Variants in LRP1B observed in about 807,000 individuals in gnomAD.
The protein encoded by LRP1B is low-density lipoprotein receptor-related protein 1B.
Under a neutral mutation model 556.6 loss-of-function variants are expected in LRP1B, and 217 were observed. That is an observed-to-expected ratio of 0.39 (90% CI 0.35 to 0.44). The LOEUF (loss-of-function observed/expected upper bound fraction) is 0.44, where lower values mean the gene tolerates loss of function less well. LRP1B is among the 20% of genes least tolerant of loss of function. LRP1B has a pLI of 1.00. For missense variants in LRP1B, 5,053 were observed against 5,620.8 expected (o/e 0.90, Z 3.23); for synonymous variants, 2,047 against 1,865.8 (o/e 1.10, Z -2.50).
At chr2:140,292,444 CTT>C (rs1683426069) in intron 84 of LRP1B, among the ~76,000 whole-genome samples, 1 of 152,082 alleles carries the variant, frequency 6.6e-6, no homozygotes, top group Non-Finnish European at 1.5e-5. Flanking sequence ...GCTGTTCCCT[CTT>C]TGCATATGCT....
intron 2 of LRP1B, among the ~76,000 whole-genome samples, chr2:141,596,910 A>C (rs1687544766): frequency 6.6e-6 from 1 of 152,042 alleles, no homozygotes; most frequent in Non-Finnish European, 1.5e-5. Flanking sequence ...TTTTATGATG[A>C]ATGGTTATTT....
intron 35 of LRP1B, among the ~76,000 whole-genome samples, chr2:140,733,499 A>G (rs1687844962): frequency 6.6e-6 from 1 of 152,174 alleles, no homozygotes; most frequent in African/African-American, 2.4e-5. Flanking sequence ...AGTTAAACAA[A>G]CTGGTGTACT....
At chr2:140,362,285 A>C (rs538807046) in intron 72 of LRP1B, among the ~76,000 whole-genome samples, 3 of 151,628 alleles carry the variant, frequency 2.0e-5, no homozygotes, top group Non-Finnish European at 4.4e-5. Context: ...AGAATCCCCA[A>C]GGTTGCAGGT....
intron 3 of LRP1B, among the ~76,000 whole-genome samples, chr2:141,311,322 A>G (rs1214567255): frequency 6.6e-6 from 1 of 152,188 alleles, no homozygotes; most frequent in Non-Finnish European, 1.5e-5. Context: ...TACACCTTCA[A>G]ATGAATCCCC....
rs531130143 is a variant in LRP1B at position 140,888,380 on chromosome 2, T to A, written c.3767-2045A>T. Among the ~76,000 whole-genome samples, 18 of 151,950 alleles carry A rather than the reference T, an allele frequency of 1.2e-4. No individual in the cohort carries two copies. In the South Asian group the frequency reaches 3.7e-3, roughly 32 times the overall value. On this transcript the variant is annotated intron_variant, in intron 23 of 90. Transcript: ENST00000389484. ...TCAAATTTGAAAATAATAACAAATA[T>A]AACTACAGAAATTGATAAAATACAA... is the stretch of plus-strand genomic sequence containing the variant.
chr2:141,529,999 A>C (rs1684817756), intron 2 of LRP1B, among the ~76,000 whole-genome samples: 1 of 152,162 alleles, frequency 6.6e-6, no homozygotes, highest in African/African-American at 2.4e-5. Flanking sequence ...ACATCATTTA[A>C]ACTATCACTG....
chr2:141,810,454 A>G (rs2105708118), intron 1 of LRP1B, 53 bp from the exon 2 acceptor site: 1 of 1,583,010 alleles, frequency 6.3e-7, no homozygotes, highest in South Asian at 1.1e-5. Context: ...ACATGGGCAG[A>G]ACGAGCAGTA....
chr2:141,922,436 C>A (rs766884794), intron 1 of LRP1B, among the ~76,000 whole-genome samples: 1 of 152,116 alleles, frequency 6.6e-6, no homozygotes, highest in Non-Finnish European at 1.5e-5. Context: ...TCAGTTAAAA[C>A]GTCACCTCCT....
At chr2:141,760,771 CA>C (rs1454075546) in intron 2 of LRP1B, among the ~76,000 whole-genome samples, 1 of 152,050 alleles carries the variant, frequency 6.6e-6, no homozygotes, top group East Asian at 1.9e-4. Context: ...CAACACAGTG[CA>C]CAAAACTGTG....
At chr2:141,724,874 A>G (rs1692970218) in intron 2 of LRP1B, among the ~76,000 whole-genome samples, 1 of 151,960 alleles carries the variant, frequency 6.6e-6, no homozygotes. Context: ...CTTATTTTCA[A>G]TTAAAATTAC....
intron 1 of LRP1B, among the ~76,000 whole-genome samples, chr2:141,999,672 T>C (rs1702599276): frequency 6.7e-6 from 1 of 148,888 alleles, no homozygotes; most frequent in Non-Finnish European, 1.5e-5. Context: ...AAAGTTTATG[T>C]AGAATATGAA....
At chr2:140,989,022 G>T (rs1372750175) in intron 17 of LRP1B, among the ~76,000 whole-genome samples, 1 of 151,992 alleles carries the variant, frequency 6.6e-6, no homozygotes, top group Admixed American at 6.6e-5. Context: ...TTACAATAGA[G>T]TAGATTATAT....
intron 1 of LRP1B, among the ~76,000 whole-genome samples, chr2:141,823,016 G>T (rs1030833869): frequency 2.6e-5 from 4 of 152,138 alleles, no homozygotes; most frequent in Non-Finnish European, 5.9e-5. Context: ...AGAGTGTATT[G>T]TTCATTGCCT....
chr2:140,405,746 A>T (rs1684704650), intron 66 of LRP1B, among the ~76,000 whole-genome samples: 2 of 152,330 alleles, frequency 1.3e-5, no homozygotes, highest in East Asian at 3.9e-4. Flanking sequence ...AGATGGATTC[A>T]CAGCTGAATT....
At chr2:141,387,113 G>T (rs1689859388) in intron 3 of LRP1B, among the ~76,000 whole-genome samples, 1 of 151,776 alleles carries the variant, frequency 6.6e-6, no homozygotes, top group Admixed American at 6.6e-5. Flanking sequence ...AGTCAATGAA[G>T]AAATCACAAG....
At chr2:141,177,185 T>C (rs912364091) in intron 7 of LRP1B, among the ~76,000 whole-genome samples, 12 of 151,862 alleles carry the variant, frequency 7.9e-5, no homozygotes, top group African/African-American at 2.9e-4. Flanking sequence ...CACATAGGAG[T>C]CACAAGAAGG....
chr2:141,442,260 A>C (rs1681005237), intron 3 of LRP1B, among the ~76,000 whole-genome samples: 1 of 152,168 alleles, frequency 6.6e-6, no homozygotes, highest in African/African-American at 2.4e-5. Flanking sequence ...AAATAGCAAC[A>C]TACACTTATG....
chr2:142,130,232 T>C (rs1707803719), intron 1 of LRP1B, among the ~76,000 whole-genome samples: 1 of 152,162 alleles, frequency 6.6e-6, no homozygotes, highest in Non-Finnish European at 1.5e-5. Flanking sequence ...ACCTGGGAGC[T>C]AAGTTGAGGG....
At chr2:140,678,501 A>T (rs1217850077) in intron 41 of LRP1B, among the ~76,000 whole-genome samples, 3 of 152,232 alleles carry the variant, frequency 2.0e-5, no homozygotes, top group Non-Finnish European at 4.4e-5. Context: ...AGCATTAAAG[A>T]CTGGACAAGG....
Sources: gnomAD v4.1 joint callset for allele counts (sites outside exome capture counted in the v4.1 genomes callset) on GRCh38, gnomAD v4.1.1 for gene constraint, MANE v1.5 for transcripts, NCBI Gene and HGNC (gene_info 2026-07-23, HGNC 2026-07-21) for gene names.